The following CGNL1 variants were observed in gnomAD, a reference collection of about 807,000 sequenced individuals.
CGNL1 encodes cingulin like 1, also known as cingulin-like protein 1.
In CGNL1, 132 loss-of-function variants were observed where a neutral mutation model predicts 141.2. That is an observed-to-expected ratio of 0.93 (90% CI 0.81 to 1.08). The LOEUF is 1.08. CGNL1 is among the 50% of genes least tolerant of loss of function. The pLI, the probability that CGNL1 is intolerant of heterozygous loss-of-function variation, is 0.00. For missense variants in CGNL1, 1,870 were observed against 1,588.6 expected (o/e 1.18, Z -3.01); for synonymous variants, 690 against 622.1 (o/e 1.11, Z -1.63).
intron 8 of CGNL1, among the ~76,000 whole-genome samples, chr15:57,468,385 T>G (rs1168769795): frequency 4.0e-5 from 6 of 151,692 alleles, no homozygotes. Flanking sequence ...GGACTACAGC[T>G]GCACGCCACC....
At chr15:57,391,560 A>T (rs1038654890) in intron 1 of CGNL1, among the ~76,000 whole-genome samples, 2 of 152,210 alleles carry the variant, frequency 1.3e-5, no homozygotes, top group African/African-American at 4.8e-5. Flanking sequence ...CAGTTTGGCA[A>T]TGGGGCTGCT....
At chr15:57,497,549 C>T (rs2063958423) in intron 8 of CGNL1, among the ~76,000 whole-genome samples, 1 of 152,208 alleles carries the variant, frequency 6.6e-6, no homozygotes, top group Admixed American at 6.5e-5. Flanking sequence ...GTGGCCTGAA[C>T]CTCTTCACTC....
At chr15:57,462,330 C>A (rs2063458102) in intron 8 of CGNL1, among the ~76,000 whole-genome samples, 1 of 152,122 alleles carries the variant, frequency 6.6e-6, no homozygotes, top group South Asian at 2.1e-4. Context: ...TTTGTGTAGC[C>A]TTTTGTTGGA....
intron 1 of CGNL1, among the ~76,000 whole-genome samples, chr15:57,411,308 C>G (rs1278743161): frequency 1.3e-5 from 2 of 152,144 alleles, no homozygotes; most frequent in Non-Finnish European, 2.9e-5. Context: ...TGGACGTTCT[C>G]TTGTATACCA....
chr15:57,541,820 G>T (rs1303888368), intron 14 of CGNL1, among the ~76,000 whole-genome samples: 1 of 152,202 alleles, frequency 6.6e-6, no homozygotes, highest in Non-Finnish European at 1.5e-5. Context: ...TTCCTCTGCT[G>T]AACATTCTGA....
chr15:57,439,173 G>C lies in CGNL1; in HGVS notation c.1174G>C (p.Ala392Pro), dbSNP rs1412714858. The C allele has an allele frequency of 6.2e-7, 1 of 1,614,148 alleles. No homozygotes were observed. Among genetic ancestry groups the C allele is most frequent in the Non-Finnish European group, 8.5e-7 (1 of 1,180,032 alleles). ...DRKRSRSVDS[A>P]FPFGLQGNSE... ...GAAAAGATCCAGAAGCGTGGATAGC[G>C]CCTTTCCTTTTGGCCTCCAAGGGAA... The change falls in exon 2 of 19, where the codon GCC becomes CCC. Residue 392 changes from alanine (A) to proline (P), a missense_variant. By Grantham distance (27) the Ala-to-Pro change is conservative. Coordinates refer to ENST00000281282, the MANE Select transcript of CGNL1 (RefSeq NM_032866.5).
chr15:57,414,249 C>T (rs2062824449), intron 1 of CGNL1, among the ~76,000 whole-genome samples: 1 of 152,162 alleles, frequency 6.6e-6, no homozygotes, highest in Non-Finnish European at 1.5e-5. Flanking sequence ...GCATGTTCCT[C>T]AGAGGCTCCG....
intron 8 of CGNL1, among the ~76,000 whole-genome samples, chr15:57,480,513 CTG>C (rs2063712240): frequency 6.6e-6 from 1 of 151,918 alleles, no homozygotes; most frequent in South Asian, 2.1e-4. Flanking sequence ...GAGTGAGACT[CTG>C]TCTCAAAAAA....
At chr15:57,525,499 A>G (rs1430831273) in intron 12 of CGNL1, among the ~76,000 whole-genome samples, 1 of 152,206 alleles carries the variant, frequency 6.6e-6, no homozygotes, top group Non-Finnish European at 1.5e-5. Flanking sequence ...TTAAAAATAT[A>G]CCAAATATTA....
chr15:57,439,869 A>G (rs1448753618), intron 2 of CGNL1, among the ~76,000 whole-genome samples: 2 of 152,130 alleles, frequency 1.3e-5, no homozygotes, highest in Non-Finnish European at 2.9e-5. Flanking sequence ...GAGAGGCTCA[A>G]TTGTTCTGTT....
intron 1 of CGNL1, among the ~76,000 whole-genome samples, chr15:57,404,038 C>G (rs1852834768): frequency 6.6e-6 from 1 of 152,230 alleles, no homozygotes; most frequent in Non-Finnish European, 1.5e-5. Context: ...CTTGACTTTC[C>G]AACTACTTCC....
Position 57,516,979 on chromosome 15 carries a change from A to C in CGNL1, c.2603A>C (p.Lys868Thr). Residue 868 changes from lysine (K) to threonine (T), a missense_variant, in exon 9 of 19, where the codon AAG (lysine) becomes ACG (threonine). Physicochemically the swap from Lys to Thr is moderately conservative, Grantham distance 78. Transcript: ENST00000281282. Reference sequence around the variant, plus strand: ...GCCAAGGCGAAGGAAACGCTGAAGAAGTACGAGGTGAGGCTCGCTGGGCCC... The same window carrying C: ...GCCAAGGCGAAGGAAACGCTGAAGACGTACGAGGTGAGGCTCGCTGGGCCC... ...DEAKAKETLK[K>T]YEGEIRQLEE... The C allele has an allele frequency of 6.2e-7, 1 of 1,612,924 alleles. No homozygotes were observed. Among genetic ancestry groups the C allele is most frequent in the East Asian group, 2.2e-5 (1 of 44,874 alleles).
chr15:57,395,204 A>G lies in CGNL1; in HGVS notation c.-16+18637A>G, dbSNP rs184746655. ...GCATTAAAAGATAGTAAATTTAGCT[A>G]GTCAACTTGAATAACTTTTAACAGA... On this transcript the variant is annotated intron_variant, in intron 1 of 18. Coordinates refer to ENST00000281282, the MANE Select transcript of CGNL1 (RefSeq NM_032866.5). 2.4e-3 allele frequency among the ~76,000 whole-genome samples: 366 copies of G among 152,346 alleles called. 1 individual carries two copies. Among genetic ancestry groups the G allele is most frequent in the Non-Finnish European group, 3.9e-3 (263 of 68,040 alleles).
Position 57,546,210 on chromosome 15 carries a change from G to A in CGNL1, c.3744G>A (p.Gly1248=), listed in dbSNP as rs752170458. 6.9e-6 allele frequency: 11 copies of A among 1,596,600 alleles called. No homozygotes were observed. The highest frequency in any genetic ancestry group is 2.3e-5 in the East Asian group (1 of 44,040). Residue 1248 remains glycine (G), a synonymous_variant, in exon 18 of 19, where the codon GGG becomes GGA. Transcript: ENST00000281282. ...TGGACATGAATGAGCATCTGCAGGGGCAGCTCAACTCCATGAAGAAGGACT... is the reference window on the plus strand; with the variant it reads ...TGGACATGAATGAGCATCTGCAGGGACAGCTCAACTCCATGAAGAAGGACT... ...EQMDMNEHLQ[G]QLNSMKKDLR...
rs71116514 is a variant in CGNL1 at position 57,378,363 on chromosome 15, G to GTTTTTTTTTTT, written c.-16+1821_-16+1831dup. Among the ~76,000 whole-genome samples the GTTTTTTTTTTT allele has an allele frequency of 6.8e-4, 23 of 33,936 alleles. 3 individuals are homozygous for GTTTTTTTTTTT. The highest frequency in any genetic ancestry group is 1.2e-3 in the Non-Finnish European group (21 of 18,104). 22.3% of individuals were successfully genotyped at this position (33,936 alleles called of 152,430 possible). ...TTTCTTAGGGGGTGGCCCTCTATGT[G>GTTTTTTTTTTT]TTTTTTTTTTTTTTTTTTTTTTTTT... is the stretch of plus-strand genomic sequence containing the variant. On this transcript the variant is annotated intron_variant, in intron 1 of 18. Transcript: ENST00000281282.
chr15:57,483,568 C>G (rs1272117686), intron 8 of CGNL1, among the ~76,000 whole-genome samples: 1 of 146,400 alleles, frequency 6.8e-6, no homozygotes, highest in African/African-American at 2.5e-5. Context: ...TTATTTCTTG[C>G]TTTCTGATGC....
intron 1 of CGNL1, chr15:57,406,899 G>T (rs1481883461): frequency 2.0e-5 from 3 of 152,196 alleles, no homozygotes. Flanking sequence ...TACTGTACTA[G>T]TTGACCCGTA....
chr15:57,483,189 G>T (rs1430710555), intron 8 of CGNL1, among the ~76,000 whole-genome samples: 2 of 152,138 alleles, frequency 1.3e-5, no homozygotes, highest in Non-Finnish European at 2.9e-5. Context: ...TCCAGTCCAT[G>T]AACATGGTCT....
chr15:57,450,317 C>T (rs192403971), intron 4 of CGNL1, among the ~76,000 whole-genome samples: 20 of 152,290 alleles, frequency 1.3e-4, no homozygotes, highest in Admixed American at 1.0e-3. Context: ...TGCCCTGTCA[C>T]CCAGTCTGGA....
Sources: gnomAD v4.1 joint callset for allele counts (sites outside exome capture counted in the v4.1 genomes callset) on GRCh38, gnomAD v4.1.1 for gene constraint, MANE v1.5 for transcripts, NCBI Gene and HGNC (gene_info 2026-07-23, HGNC 2026-07-21) for gene names.